Variants in CUX2 observed in about 807,000 individuals in gnomAD.
CUX2 encodes the protein homeobox protein cut-like 2.
A neutral mutation model predicts 144.8 loss-of-function variants in CUX2; 40 were observed. The observed-to-expected ratio is 0.28, with a 90% CI of 0.21 to 0.36. The LOEUF (loss-of-function observed/expected upper bound fraction) is 0.36, where lower values mean the gene tolerates loss of function less well. CUX2 is among the 10% of genes least tolerant of loss of function. The probability of loss-of-function intolerance (pLI) is 1.00; values close to 1 mark genes in which losing one functional copy is unlikely to be tolerated. For synonymous variants in CUX2, 827 were observed against 875.6 expected (o/e 0.94, Z 0.98); for missense variants, 1,615 against 1,994.0 (o/e 0.81, Z 3.62).
At chr12:111,249,498 C>G (rs1370604311) in intron 3 of CUX2, among the ~76,000 whole-genome samples, 1 of 141,268 alleles carries the variant, frequency 7.1e-6, no homozygotes, top group Non-Finnish European at 1.5e-5. Flanking sequence ...ACTCTATTGC[C>G]CAGGCAGGAG....
chr12:111,324,391 C>T (rs935901009), intron 18 of CUX2, among the ~76,000 whole-genome samples: 6 of 151,346 alleles, frequency 4.0e-5, no homozygotes, highest in Non-Finnish European at 7.4e-5. Context: ...CATAAGGAGG[C>T]AGCCCCCCAG....
intron 18 of CUX2, among the ~76,000 whole-genome samples, chr12:111,329,584 A>G (rs532868652): frequency 8.3e-4 from 127 of 152,114 alleles, no homozygotes; most frequent in Non-Finnish European, 5.4e-4. Flanking sequence ...GGGTGCAGAT[A>G]GTTTTCCAAG....
intron 3 of CUX2, among the ~76,000 whole-genome samples, chr12:111,220,823 C>T (rs2136232466): frequency 7.1e-6 from 1 of 141,404 alleles, no homozygotes; most frequent in East Asian, 2.2e-4. Context: ...GTAGTCCCAG[C>T]TACTCAGGAG....
At chr12:111,149,290 A>G (rs1430977953) in intron 1 of CUX2, among the ~76,000 whole-genome samples, 1 of 152,056 alleles carries the variant, frequency 6.6e-6, no homozygotes, top group African/African-American at 2.4e-5. Flanking sequence ...CTTATCGGCT[A>G]TTGTTGGTGT....
Position 111,077,859 on chromosome 12 carries a change from A to C in CUX2, c.63+43619A>C, listed in dbSNP as rs1411606356. 6.6e-6 allele frequency among the ~76,000 whole-genome samples: 1 copy of C among 152,242 alleles called. No individual in the cohort carries two copies. Among genetic ancestry groups the C allele is most frequent in the Non-Finnish European group, 1.5e-5 (1 of 68,042 alleles). On this transcript the variant is annotated intron_variant, in intron 1 of 21. Transcript: ENST00000261726. The surrounding 1 kb of genome is among the most constrained non-coding windows in gnomAD (Gnocchi z 4.1). Reference sequence around the variant, plus strand: ...GGTCTGTTTAAGAGATAAGAACAGCAGCTAAAGGTTTGATTTAGTCTTCTG... The same window carrying C: ...GGTCTGTTTAAGAGATAAGAACAGCCGCTAAAGGTTTGATTTAGTCTTCTG...
intron 1 of CUX2, among the ~76,000 whole-genome samples, chr12:111,121,369 C>CTTTTTTTTTTTTTT (rs5800920): frequency 1.2e-4 from 7 of 59,052 alleles, no homozygotes; most frequent in African/African-American, 2.7e-4. Context: ...TTTCTTTTTT[C>CTTTTTTTTTTTTTT]TTTTTTTTTT....
chr12:111,160,526 C>T lies in CUX2; in HGVS notation c.64-53674C>T, dbSNP rs920529676. On this transcript the variant is annotated intron_variant, in intron 1 of 21. Coordinates refer to ENST00000261726, the MANE Select transcript of CUX2 (RefSeq NM_015267.4). The surrounding 1 kb of genome is among the most constrained non-coding windows in gnomAD (Gnocchi z 4.1). The stretch of plus-strand genomic sequence containing the variant: ...GGGCCCTTCCTGGTCCAAGAACTCG[C>T]GTGACCCGGCACAGAGGGGGCGCGA... 2.6e-5 allele frequency among the ~76,000 whole-genome samples: 4 copies of T among 152,260 alleles called. No individual in the cohort carries two copies. The highest frequency in any genetic ancestry group is 6.5e-5 in the Admixed American group (1 of 15,296).
In CUX2 at chr12:111,087,453, G is replaced by A. The variant is rs143755334; in HGVS notation, c.63+53213G>A. 5.4e-3 allele frequency among the ~76,000 whole-genome samples: 825 copies of A among 151,522 alleles called. 12 individuals are homozygous for A. The highest frequency in any genetic ancestry group is 0.019 in the African/African-American group (778 of 41,272). ...GTCACCAGAGTTTTCTAGCCTGCCA[G>A]CTGGTGGCTTCATCTTGATGCAATG... is the stretch of plus-strand genomic sequence containing the variant. On this transcript the variant is annotated intron_variant, in intron 1 of 21. Coordinates refer to ENST00000261726, the MANE Select transcript of CUX2 (RefSeq NM_015267.4).
intron 1 of CUX2, among the ~76,000 whole-genome samples, chr12:111,189,401 T>C (rs1358063330): frequency 6.6e-6 from 1 of 152,250 alleles, no homozygotes; most frequent in African/African-American, 2.4e-5. Flanking sequence ...TACACAGGCT[T>C]GATTTGCCAG....
At position 111,091,292 on chromosome 12, in the gene CUX2, T is replaced by C. The variant is rs534906332; in HGVS notation, c.63+57052T>C. Among the ~76,000 whole-genome samples the C allele has an allele frequency of 4.6e-5, 7 of 152,224 alleles. No individual in the cohort carries two copies. The East Asian group carries it at 1.4e-3, about 29-fold the overall frequency. ...CATTGTTCCTGTTTGCGGAGGGAAGTCAGATCCGCAGCCCCAAAGCTGCCA... is the reference window on the plus strand; with the variant it reads ...CATTGTTCCTGTTTGCGGAGGGAAGCCAGATCCGCAGCCCCAAAGCTGCCA... On this transcript the variant is annotated intron_variant, in intron 1 of 21. Transcript: ENST00000261726.
At position 111,310,435 on chromosome 12, in the gene CUX2, G is replaced by C; in HGVS notation, c.1653G>C (p.Glu551Asp). 1 of 1,612,864 alleles carries C rather than the reference G, an allele frequency of 6.2e-7. No individual in the cohort carries two copies. The highest frequency in any genetic ancestry group is 8.5e-7 in the Non-Finnish European group (1 of 1,179,838). ...GGAAGPGAEEEQLDTAEIAFQ... is the reference protein window; with the variant it reads ...GGAAGPGAEEDQLDTAEIAFQ... ...CGGCGGGGCCCGGGGCAGAGGAGGAGCAGCTGGACACGGCAGAGATCGCCT... is the reference window on the plus strand; with the variant it reads ...CGGCGGGGCCCGGGGCAGAGGAGGACCAGCTGGACACGGCAGAGATCGCCT... Residue 551 changes from glutamate (E) to aspartate (D), a missense_variant, in exon 15 of 22, where the codon GAG (glutamate) becomes GAC (aspartate). This residue lies in a region of CUX2 where 154 missense variants were observed against 148.4 expected (regional missense o/e 1.04). Transcript: ENST00000261726. The surrounding 1 kb of genome is among the most constrained non-coding windows in gnomAD (Gnocchi z 7.9).
intron 1 of CUX2, among the ~76,000 whole-genome samples, chr12:111,146,876 G>A (rs147126974): frequency 7.4e-4 from 113 of 152,300 alleles, no homozygotes; most frequent in African/African-American, 2.6e-3. Context: ...GCTGACACCT[G>A]TAATCCCAGC....
chr12:111,168,595 C>T (rs955962015), intron 1 of CUX2, among the ~76,000 whole-genome samples: 5 of 152,296 alleles, frequency 3.3e-5, no homozygotes, highest in Non-Finnish European at 5.9e-5. Flanking sequence ...GACAACAGAG[C>T]GACATTCCTG....
At chr12:111,340,304 A>G (rs1888524429) in intron 20 of CUX2, among the ~76,000 whole-genome samples, 1 of 152,170 alleles carries the variant, frequency 6.6e-6, no homozygotes, top group Admixed American at 6.5e-5. Flanking sequence ...CAACATCTTC[A>G]TGATCTGGGG....
chr12:111,308,496 C>A lies in CUX2; in HGVS notation c.1228C>A (p.Leu410Met). The A allele has an allele frequency of 1.2e-6, 2 of 1,613,788 alleles. No homozygotes were observed. Among genetic ancestry groups the A allele is most frequent in the South Asian group, 2.2e-5 (2 of 90,966 alleles). The change falls in exon 14 of 22, where the codon CTG becomes ATG. Residue 410 changes from leucine (L) to methionine (M), a missense_variant. Leu to Met is a conservative substitution (Grantham distance 15). Transcript: ENST00000261726. ...EAFFPTQKFL[L>M]EKPSLLASPE... ...CTTCTTCCCCACGCAGAAATTCCTT[C>A]TGGAGAAGCCCAGCCTCCTGGCCAG... is the stretch of plus-strand genomic sequence containing the variant.
At chr12:111,249,053 G>GC (rs1883420624) in intron 3 of CUX2, among the ~76,000 whole-genome samples, 1 of 152,180 alleles carries the variant, frequency 6.6e-6, no homozygotes, top group Non-Finnish European at 1.5e-5. Context: ...ACCATCCATG[G>GC]CCCCCAGTCT....
intron 1 of CUX2, among the ~76,000 whole-genome samples, chr12:111,182,673 A>C (rs1255326897): frequency 6.6e-6 from 1 of 152,210 alleles, no homozygotes; most frequent in Non-Finnish European, 1.5e-5. Flanking sequence ...GGGATGGAGA[A>C]GGAGGAGGAG....
intron 15 of CUX2, among the ~76,000 whole-genome samples, chr12:111,311,684 C>T (rs1285220084): frequency 6.6e-6 from 1 of 150,880 alleles, no homozygotes; most frequent in Non-Finnish European, 1.5e-5. Flanking sequence ...CTACAACCAC[C>T]GCCTCCTGGG....
chr12:111,127,140 T>G (rs1875138300), intron 1 of CUX2, among the ~76,000 whole-genome samples: 1 of 152,202 alleles, frequency 6.6e-6, no homozygotes, highest in Non-Finnish European at 1.5e-5. Context: ...AAGGAGGAAA[T>G]ACTCATGAAA....
Sources: gnomAD v4.1 joint callset for allele counts (sites outside exome capture counted in the v4.1 genomes callset) on GRCh38, gnomAD v4.1.1 for gene constraint, gnomAD v4.1.1 regional missense constraint, Gnocchi (gnomAD v3.1) non-coding constraint, MANE v1.5 for transcripts, NCBI Gene and HGNC (gene_info 2026-07-23, HGNC 2026-07-21) for gene names.